Variants in GALNT10 observed in about 807,000 individuals in gnomAD.
GALNT10 encodes polypeptide N-acetylgalactosaminyltransferase 10.
GALNT10 carries 41 observed loss-of-function variants against 75.0 expected under a neutral mutation model. The observed-to-expected ratio is 0.55, with a 90% CI of 0.43 to 0.71. The LOEUF is 0.71. Ranked by LOEUF, GALNT10 falls within the 30% of genes least tolerant of loss-of-function variation. The pLI, the probability that GALNT10 is intolerant of heterozygous loss-of-function variation, is 0.00. For synonymous variants in GALNT10, 302 were observed against 313.0 expected (o/e 0.96, Z 0.37); for missense variants, 727 against 818.5 (o/e 0.89, Z 1.36).
chr5:154,399,267 G>A (rs748919808), intron 7 of GALNT10, among the ~76,000 whole-genome samples: 4 of 152,214 alleles, frequency 2.6e-5, no homozygotes, highest in Non-Finnish European at 5.9e-5. Flanking sequence ...CCTGGGCCAT[G>A]AGCAGAACCA....
intron 1 of GALNT10, among the ~76,000 whole-genome samples, chr5:154,230,606 A>G (rs1264013358): frequency 2.0e-5 from 3 of 152,220 alleles, no homozygotes; most frequent in East Asian, 1.9e-4. Context: ...GACTAGAGAG[A>G]TAACAGGTAA....
chr5:154,237,141 A>G (rs961492111), intron 1 of GALNT10, among the ~76,000 whole-genome samples: 5 of 152,152 alleles, frequency 3.3e-5, no homozygotes, highest in African/African-American at 9.7e-5. Flanking sequence ...GTGAGGAAGC[A>G]TGAGTTAAGT....
At chr5:154,377,168 G>C (rs1269023561) in intron 5 of GALNT10, among the ~76,000 whole-genome samples, 1 of 152,214 alleles carries the variant, frequency 6.6e-6, no homozygotes, top group Non-Finnish European at 1.5e-5. Flanking sequence ...AGGGAGATGG[G>C]AAGACTGGAG....
intron 4 of GALNT10, chr5:154,337,606 G>A: frequency 1.2e-6 from 1 of 850,592 alleles, no homozygotes; most frequent in South Asian, 1.3e-5. Context: ...CCCTTCATGG[G>A]TCCAAAATTT....
chr5:154,398,518 A>G (rs894216520), intron 7 of GALNT10, among the ~76,000 whole-genome samples: 1 of 152,112 alleles, frequency 6.6e-6, no homozygotes, highest in African/African-American at 2.4e-5. Context: ...GCCCCACCCC[A>G]CCTGCCCCAA....
intron 8 of GALNT10, among the ~76,000 whole-genome samples, chr5:154,406,861 T>A (rs997975752): frequency 6.6e-6 from 1 of 152,092 alleles, no homozygotes; most frequent in African/African-American, 2.4e-5. Context: ...CATTGTCCCC[T>A]AGATGATCAT....
At chr5:154,285,847 T>C (rs145996452) in intron 1 of GALNT10, among the ~76,000 whole-genome samples, 199 of 152,172 alleles carry the variant, frequency 1.3e-3, no homozygotes, top group African/African-American at 4.5e-3. Context: ...CCTGTCCACC[T>C]CTCATTCCTA....
chr5:154,199,282 A>G (rs1352872157), intron 1 of GALNT10, among the ~76,000 whole-genome samples: 1 of 152,154 alleles, frequency 6.6e-6, no homozygotes, highest in Non-Finnish European at 1.5e-5. Context: ...AACAAATCCT[A>G]CTGAGGGTCC....
At chr5:154,358,281 G>C (rs1327367594) in intron 4 of GALNT10, among the ~76,000 whole-genome samples, 1 of 152,088 alleles carries the variant, frequency 6.6e-6, no homozygotes, top group Non-Finnish European at 1.5e-5. Flanking sequence ...TGGGAAAGTG[G>C]GGTCTCCTTG....
chr5:154,394,568 G>A (rs766055596), intron 7 of GALNT10, among the ~76,000 whole-genome samples: 41 of 152,270 alleles, frequency 2.7e-4, no homozygotes, highest in Middle Eastern at 6.8e-3. Context: ...TCCGCCTGGT[G>A]GTAGGAGTAG....
Position 154,312,949 on chromosome 5 carries a change from AG to A in GALNT10, c.401+14872del, listed in dbSNP as rs1754543159. 2.6e-5 allele frequency among the ~76,000 whole-genome samples: 4 copies of A among 152,300 alleles called. No homozygotes were observed. In the East Asian group the frequency reaches 5.8e-4, roughly 22 times the overall value. ...GGAATATATTGCATGTTACATCTGT[AG>A]GAGGGCCAAAAATTTTATCATGTGG... On this transcript the variant is annotated intron_variant, in intron 3 of 11. Transcript: ENST00000297107.
intron 1 of GALNT10, among the ~76,000 whole-genome samples, chr5:154,285,687 C>G (rs1383094524): frequency 1.3e-4 from 20 of 152,188 alleles, no homozygotes; most frequent in Admixed American, 9.8e-4. Flanking sequence ...TGATAGCCTC[C>G]TTCCCAGCCT....
At position 154,376,200 on chromosome 5, in the gene GALNT10, T is replaced by A. The variant is rs1026638653; in HGVS notation, c.569-77T>A. 2.2e-6 allele frequency: 2 copies of A among 917,626 alleles called. No individual in the cohort carries two copies. Among genetic ancestry groups the A allele is most frequent in the Non-Finnish European group, 3.5e-6 (2 of 565,920 alleles). 56.8% of individuals were successfully genotyped at this position (917,626 alleles called of 1,614,324 possible). On this transcript the variant is annotated intron_variant, in intron 4 of 11. Coordinates refer to ENST00000297107, the MANE Select transcript of GALNT10 (RefSeq NM_198321.4). This position sits in a 1 kb window ranked among gnomAD's most constrained non-coding sequence, Gnocchi z 4.1. ...GCTGTGTCTAGACTGTGAAGTGCAG[T>A]TCACATGTAAGGGAGGAGTCATAAG...
At chr5:154,332,090 C>T (rs1296959887) in intron 4 of GALNT10, among the ~76,000 whole-genome samples, 1 of 152,166 alleles carries the variant, frequency 6.6e-6, no homozygotes, top group African/African-American at 2.4e-5. Flanking sequence ...TCCCAGTCTC[C>T]TCTCCCAGCC....
intron 4 of GALNT10, among the ~76,000 whole-genome samples, chr5:154,340,319 G>A (rs1314502011): frequency 3.3e-5 from 5 of 152,134 alleles, no homozygotes; most frequent in East Asian, 1.9e-4. Context: ...TGTTGTAAGC[G>A]ACTTAAATAC....
rs1338218057 is a variant in GALNT10 at position 154,293,665 on chromosome 5, A to G, written c.160-1151A>G. 4.1e-5 allele frequency among the ~76,000 whole-genome samples: 6 copies of G among 147,352 alleles called. No homozygotes were observed. The East Asian group carries it at 9.8e-4, about 24-fold the overall frequency. ...TTGCTTCTTCATACATTCCATGCCC[A>G]TTTGCCACATGTTTATTCTCTTTGG... On this transcript the variant is annotated intron_variant, in intron 1 of 11. Transcript: ENST00000297107.
Position 154,412,936 on chromosome 5 carries a change from C to T in GALNT10, c.1434C>T (p.Ala478=), listed in dbSNP as rs1476260393. 6.2e-7 allele frequency: 1 copy of T among 1,613,716 alleles called. No homozygotes were observed. Among genetic ancestry groups the T allele is most frequent in the Admixed American group, 1.7e-5 (1 of 59,996 alleles). Residue 478 remains alanine (A), a synonymous_variant, in exon 10 of 12, where the codon GCC becomes GCT. Coordinates refer to ENST00000297107, the MANE Select transcript of GALNT10 (RefSeq NM_198321.4). The surrounding 1 kb of genome is among the most constrained non-coding windows in gnomAD (Gnocchi z 4.2). The stretch of plus-strand genomic sequence containing the variant: ...TGTGTGCAGACACAAAGCACGGGGC[C>T]TTGGGCTCCCCACTAAGGCTAGAGG... ...TGLCADTKHG[A]LGSPLRLEGC...
At chr5:154,362,446 CTAGGG>C (rs2113156751) in intron 4 of GALNT10, among the ~76,000 whole-genome samples, 1 of 152,222 alleles carries the variant, frequency 6.6e-6, no homozygotes, top group South Asian at 2.1e-4. Context: ...TTGCTCACTG[CTAGGG>C]TAGGGGGAAA....
chr5:154,288,651 A>G (rs1030684600), intron 1 of GALNT10, among the ~76,000 whole-genome samples: 2 of 152,230 alleles, frequency 1.3e-5, no homozygotes, highest in African/African-American at 2.4e-5. Flanking sequence ...GCAGAAGGAC[A>G]TCTGGAAACC....
Sources: gnomAD v4.1 joint callset for allele counts (sites outside exome capture counted in the v4.1 genomes callset) on GRCh38, gnomAD v4.1.1 for gene constraint, Gnocchi (gnomAD v3.1) non-coding constraint, MANE v1.5 for transcripts, NCBI Gene and HGNC (gene_info 2026-07-23, HGNC 2026-07-21) for gene names.